Variants in SAMD5 observed in about 807,000 individuals in gnomAD.
SAMD5 encodes the protein sterile alpha motif domain-containing protein 5.
In SAMD5, 13 loss-of-function variants were observed where a neutral mutation model predicts 11.3. That is an observed-to-expected ratio of 1.15 (90% CI 0.75 to 1.83). The LOEUF (loss-of-function observed/expected upper bound fraction) is 1.83. Ranked by LOEUF, SAMD5 falls within the 40% of genes most tolerant of loss-of-function variation. The pLI, the probability that SAMD5 is intolerant of heterozygous loss-of-function variation, is 0.00. For missense variants in SAMD5, 255 were observed against 239.1 expected, an observed-to-expected ratio of 1.07 and a Z score of -0.44; for synonymous variants, 129 against 111.3, an observed-to-expected ratio of 1.16 and a Z score of -1.00.
chr6:147,852,133 T>C, the SAMD5 span, among the ~76,000 whole-genome samples: 1 of 152,308 alleles, frequency 6.6e-6, no homozygotes, highest in South Asian at 2.1e-4. Context: ...CTAAAATTTA[T>C]AGAAAATGTA....
At chr6:147,838,390 T>A in the SAMD5 span, among the ~76,000 whole-genome samples, 3 of 152,206 alleles carry the variant, frequency 2.0e-5, no homozygotes, top group African/African-American at 7.2e-5. Flanking sequence ...CAGTTCCTGA[T>A]TCTACCTCTG....
the SAMD5 span, among the ~76,000 whole-genome samples, chr6:147,858,792 C>A: frequency 2.0e-5 from 3 of 152,290 alleles, no homozygotes; most frequent in Admixed American, 1.3e-4. Context: ...ACAAGGAAAG[C>A]AAGCACAAGT....
At chr6:147,510,176 G>C (rs1373743802) in intron 1 of SAMD5, among the ~76,000 whole-genome samples, 2 of 152,210 alleles carry the variant, frequency 1.3e-5, no homozygotes, top group African/African-American at 4.8e-5. Context: ...GGAGGACCGA[G>C]CACAAGTGAA....
At chr6:147,537,129 A>G (rs1788522454) in intron 1 of SAMD5, among the ~76,000 whole-genome samples, 1 of 152,180 alleles carries the variant, frequency 6.6e-6, no homozygotes, top group South Asian at 2.1e-4. Context: ...AGTAAGTCAT[A>G]TTAGAATTAT....
chr6:147,634,520 C>G (rs139904491), intron 1 of SAMD5, among the ~76,000 whole-genome samples: 3 of 152,218 alleles, frequency 2.0e-5, no homozygotes, highest in African/African-American at 7.2e-5. Flanking sequence ...TCAACCATAG[C>G]AAGATCTGTC....
In SAMD5 at chr6:147,566,823, T is replaced by G; in HGVS notation, c.*2367T>G. ...GAATTCCTTTGCATTAAAATCAAGA[T>G]GAGGTAAGAGGTAGAATATAAGAGA... On this transcript the variant is annotated 3_prime_UTR_variant, in exon 2 of 2. Coordinates refer to ENST00000367474, the MANE Select transcript of SAMD5 (RefSeq NM_001030060.3). The G allele has an allele frequency of 1.0e-6, 1 of 979,646 alleles. No individual in the cohort carries two copies. Among genetic ancestry groups the G allele is most frequent in the Non-Finnish European group, 1.2e-6 (1 of 824,834 alleles). 60.7% of individuals were successfully genotyped at this position (979,646 alleles called of 1,614,324 possible).
chr6:147,934,070 C>T, the SAMD5 span, among the ~76,000 whole-genome samples: 33,500 of 152,092 alleles, frequency 0.22, 4,113 homozygotes, highest in South Asian at 0.44. Context: ...ATTCCCCCAC[C>T]CACTCCGAGT....
the SAMD5 span, among the ~76,000 whole-genome samples, chr6:147,893,114 A>C: frequency 6.6e-6 from 1 of 152,076 alleles, no homozygotes; most frequent in South Asian, 2.1e-4. Flanking sequence ...AGACAGGAGA[A>C]TCGCTTGAAC....
At chr6:147,926,096 A>G in the SAMD5 span, among the ~76,000 whole-genome samples, 3 of 152,196 alleles carry the variant, frequency 2.0e-5, no homozygotes, top group African/African-American at 4.8e-5. Flanking sequence ...GTTGATGGGC[A>G]CTTAGGTTGA....
the SAMD5 span, among the ~76,000 whole-genome samples, chr6:147,774,072 G>A: frequency 1.3e-5 from 2 of 152,084 alleles, no homozygotes; most frequent in African/African-American, 4.8e-5. Flanking sequence ...AAACTCCTGG[G>A]CTCAAGGGGT....
the SAMD5 span, among the ~76,000 whole-genome samples, chr6:147,861,997 T>G: frequency 1.2e-4 from 18 of 152,272 alleles, no homozygotes; most frequent in East Asian, 3.3e-3. Flanking sequence ...GGTCCAGTTT[T>G]GGGCCAGAAA....
chr6:147,641,189 C>A (rs1045107922), intron 1 of SAMD5, among the ~76,000 whole-genome samples: 1 of 152,146 alleles, frequency 6.6e-6, no homozygotes, highest in African/African-American at 2.4e-5. Context: ...CTGAAATGCC[C>A]AGCTCCAGCA....
chr6:147,794,882 G>A, the SAMD5 span, among the ~76,000 whole-genome samples: 42 of 151,330 alleles, frequency 2.8e-4, no homozygotes, highest in African/African-American at 9.2e-4. Context: ...CTTTGACGGC[G>A]GTGAAGAGGG....
intron 1 of SAMD5, among the ~76,000 whole-genome samples, chr6:147,526,338 C>T (rs553522730): frequency 1.8e-4 from 27 of 152,216 alleles, no homozygotes; most frequent in South Asian, 6.2e-4. Context: ...TGGGGTGATG[C>T]GGGGAATTCA....
chr6:147,592,006 A>G (rs548696833), intron 1 of SAMD5, among the ~76,000 whole-genome samples: 2 of 152,220 alleles, frequency 1.3e-5, no homozygotes, highest in South Asian at 4.2e-4. Context: ...GATCAGAGTT[A>G]GTGCTGGAAA....
chr6:147,916,818 G>C, the SAMD5 span, among the ~76,000 whole-genome samples: 1 of 148,382 alleles, frequency 6.7e-6, no homozygotes, highest in African/African-American at 2.5e-5. Flanking sequence ...TTGGTTTTTT[G>C]TTCTTGCAAT....
chr6:147,561,281 G>A (rs1270956433), intron 1 of SAMD5, among the ~76,000 whole-genome samples: 2 of 152,116 alleles, frequency 1.3e-5, no homozygotes, highest in African/African-American at 2.4e-5. Flanking sequence ...TCCAGCTCCC[G>A]GATTCAAGCC....
the SAMD5 span, among the ~76,000 whole-genome samples, chr6:147,913,882 T>C: frequency 1.3e-5 from 2 of 152,246 alleles, no homozygotes; most frequent in African/African-American, 2.4e-5. Context: ...TGTGGGTGCA[T>C]GTGCGTGCTT....
At chr6:147,724,432 A>G (rs1791597729) in intron 1 of SAMD5, among the ~76,000 whole-genome samples, 1 of 152,218 alleles carries the variant, frequency 6.6e-6, no homozygotes, top group African/African-American at 2.4e-5. Flanking sequence ...ACAAATAAAC[A>G]TATTGGGTCA....
Sources: allele counts gnomAD v4.1 joint callset (sites outside exome capture counted in the v4.1 genomes callset), GRCh38; gene constraint gnomAD v4.1.1; transcripts MANE v1.5; gene names NCBI Gene and HGNC (gene_info 2026-07-23, HGNC 2026-07-21).